Variants in OBP2A observed in about 807,000 individuals in gnomAD.
The protein encoded by OBP2A is odorant binding protein 2A, also known as odorant-binding protein 2a.
In OBP2A, 15 loss-of-function variants were observed where a neutral mutation model predicts 21.9. The observed-to-expected ratio is 0.69, with a 90% confidence interval of 0.46 to 1.06. OBP2A has a LOEUF of 1.06. OBP2A is among the 50% of genes least tolerant of loss of function. OBP2A has a pLI of 0.00. For synonymous variants in OBP2A, 86 were observed against 91.8 expected (o/e 0.94, Z 0.36); for missense variants, 192 against 220.1 (o/e 0.87, Z 0.81).
Position 135,547,236 on chromosome 9 carries a change from A to AAATT in OBP2A, c.266_269dup (p.Phe90LeufsTer43). Reference sequence around the variant, plus strand: ...GATGCGGAAGACGGAGGAGCCTGGCAAATTCAGCGCCTGTGAGCCCCTCCC... The same window carrying AAATT: ...GATGCGGAAGACGGAGGAGCCTGGCAAATTAATTCAGCGCCTGTGAGCCCCTCCC... On this transcript the variant is annotated frameshift_variant, in exon 3 of 7. Transcript: ENST00000371776. LOFTEE classifies it high-confidence loss of function. 6.2e-7 allele frequency: 1 copy of AAATT among 1,613,598 alleles called. No individual in the cohort carries two copies. Among genetic ancestry groups the AAATT allele is most frequent in the South Asian group, 1.1e-5 (1 of 91,044 alleles).
In OBP2A at chr9:135,549,531, A is replaced by ACAC. The variant is rs1432918407; in HGVS notation, c.*1+201_*1+202insACC. The ACAC allele has an allele frequency of 9.4e-5, 56 of 596,726 alleles. No homozygotes were observed. In the African/African-American group the frequency reaches 9.5e-4, roughly 10 times the overall value. 37.0% of individuals were successfully genotyped at this position (596,726 alleles called of 1,614,324 possible). ...AAGTCCTTTGTTTTACCATTCCTGC[A>ACAC]CCTGCCAGCCCGAGTGAGGGTCCTC... On this transcript the variant is annotated intron_variant, in intron 6 of 6. Coordinates refer to ENST00000371776, the MANE Select transcript of OBP2A (RefSeq NM_014582.3).
intron 3 of OBP2A, 143 bp downstream of exon 3, chr9:135,547,391 G>T (rs1831969619): frequency 3.1e-6 from 3 of 972,076 alleles, no homozygotes; most frequent in African/African-American, 1.6e-5. Flanking sequence ...CTCCTTCCTG[G>T]GGGGCTGGTG....
Position 135,548,782 on chromosome 9 carries a change from G to T in OBP2A, c.463G>T (p.Glu155Ter), listed in dbSNP as rs372326492. 4.3e-5 allele frequency: 70 copies of T among 1,613,990 alleles called. 1 individual carries two copies. In the Middle Eastern group the frequency reaches 1.2e-3, roughly 27 times the overall value. Reference sequence around the variant, plus strand: ...GGTGCAGCACAAGGGACTCTCGGAGGAGGACATTTTCATGCCCCTGCAGAC... The same window carrying T: ...GGTGCAGCACAAGGGACTCTCGGAGTAGGACATTTTCATGCCCCTGCAGAC... ...KLVQHKGLSE[E>*]DIFMPLQTGS... The change falls in exon 5 of 7, where the codon GAG (glutamate) becomes TAG (stop). Residue 155 changes from glutamate to a stop codon, truncating the protein, a stop_gained. Coordinates refer to ENST00000371776, the MANE Select transcript of OBP2A (RefSeq NM_014582.3). LOFTEE classifies it high-confidence loss of function.
In OBP2A at chr9:135,546,879, C is replaced by T. The variant is rs561640530; in HGVS notation, c.174C>T (p.Gly58=). Residue 58 remains glycine, a synonymous_variant, in exon 2 of 7, where the codon GGC becomes GGT. Transcript: ENST00000371776. ...CCCCAGTGAAGGTGACAGCCCTGGG[C>T]GGTGGGAACTTGGAAGCCACGTTCA... The part of the protein sequence containing the change: ...KVSPVKVTAL[G]GGNLEATFTF... The T allele has an allele frequency of 8.1e-6, 13 of 1,613,758 alleles. No homozygotes were observed. The highest frequency in any genetic ancestry group is 5.5e-5 in the South Asian group (5 of 91,056).
At position 135,547,926 on chromosome 9, in the gene OBP2A, CTT is replaced by C; in HGVS notation, c.336_337del (p.Phe112LeufsTer19). ...AGCTGCCCGGGACGGACGACTACGT[CTT>C]TTACTGCAAAGACCAGCGCCGTGGG... is the stretch of plus-strand genomic sequence containing the variant. ...QELPGTDDYV[F>X]YCKDQRRGGL... On this transcript the variant is annotated frameshift_variant, in exon 4 of 7. Coordinates refer to ENST00000371776, the MANE Select transcript of OBP2A (RefSeq NM_014582.3). LOFTEE classifies it high-confidence loss of function. 1 of 1,613,562 alleles carries C rather than the reference CTT, an allele frequency of 6.2e-7. No individual in the cohort carries two copies. Among genetic ancestry groups the C allele is most frequent in the Non-Finnish European group, 8.5e-7 (1 of 1,179,718 alleles).
At chr9:135,549,438 C>A in intron 6 of OBP2A, 107 bp downstream of exon 6, 1 of 1,129,768 alleles carries the variant, frequency 8.9e-7, no homozygotes, top group Non-Finnish European at 1.3e-6. Context: ...CCAGGGAGAC[C>A]CCCCCAGGGT....
chr9:135,548,401 GT>G (rs1232740679), intron 4 of OBP2A, among the ~76,000 whole-genome samples: 1 of 147,238 alleles, frequency 6.8e-6, no homozygotes, highest in African/African-American at 2.5e-5. Context: ...TCCCCCTGGG[GT>G]TGCTGAGTGG....
In OBP2A at chr9:135,547,884, G is replaced by T. The variant is rs747682712; in HGVS notation, c.291G>T (p.Lys97Asn). 2.9e-5 allele frequency: 46 copies of T among 1,610,596 alleles called. No homozygotes were observed. The African/African-American group carries it at 5.3e-4, about 19-fold the overall frequency. ...TGTCATCTACAGATGGGGGCAGGAAGCTCATATACCTGCAGGAGCTGCCCG... is the reference window on the plus strand; with the variant it reads ...TGTCATCTACAGATGGGGGCAGGAATCTCATATACCTGCAGGAGCTGCCCG... ...PGKFSAYGGRKLIYLQELPGT... is the reference protein window; with the variant it reads ...PGKFSAYGGRNLIYLQELPGT... The change falls in exon 4 of 7, where the codon AAG (lysine) becomes AAT (asparagine). Residue 97 changes from lysine (K) to asparagine (N), a missense_variant. By Grantham distance (94) the Lys-to-Asn change is moderately conservative (BLOSUM62 0). Coordinates refer to ENST00000371776, the MANE Select transcript of OBP2A (RefSeq NM_014582.3).
chr9:135,546,858 A>C lies in OBP2A; in HGVS notation c.153A>C (p.Pro51=). 6.2e-7 allele frequency: 1 copy of C among 1,613,776 alleles called. No individual in the cohort carries two copies. The highest frequency in any genetic ancestry group is 1.3e-5 in the African/African-American group (1 of 75,026). ...PEDRRPRKVS[P]VKVTALGGGN... is the part of the protein sequence containing the mutation. ...ACAGGAGGCCCAGGAAGGTGTCCCCAGTGAAGGTGACAGCCCTGGGCGGTG... is the reference window on the plus strand; with the variant it reads ...ACAGGAGGCCCAGGAAGGTGTCCCCCGTGAAGGTGACAGCCCTGGGCGGTG... Residue 51 remains proline, a synonymous_variant, in exon 2 of 7, where the codon CCA becomes CCC. Coordinates refer to ENST00000371776, the MANE Select transcript of OBP2A (RefSeq NM_014582.3).
Position 135,549,928 on chromosome 9 carries a change from T to C in OBP2A, c.*93T>C. The C allele has an allele frequency of 1.9e-6, 3 of 1,540,308 alleles. No individual in the cohort carries two copies. ...CTACCCTCCAGCCATGACCCTTCCC[T>C]GCTCCCACCCACCTGACTCCAAATA... On this transcript the variant is annotated 3_prime_UTR_variant, in exon 7 of 7. Coordinates refer to ENST00000371776, the MANE Select transcript of OBP2A (RefSeq NM_014582.3).
intron 4 of OBP2A, 80 bp downstream of exon 4, chr9:135,548,061 C>A: frequency 1.0e-6 from 1 of 1,004,730 alleles, no homozygotes; most frequent in Non-Finnish European, 1.5e-6. Flanking sequence ...ATCATCACGC[C>A]CTGGCACGGG....
chr9:135,548,004 C>T (rs1197420451), intron 4 of OBP2A, 23 bp downstream of exon 4: 14 of 1,509,774 alleles, frequency 9.3e-6, no homozygotes, highest in Non-Finnish European at 1.3e-5. Context: ...CTGGGGCCTG[C>T]ATGTCCTGCC....
In OBP2A at chr9:135,547,400, T is replaced by C. The variant is rs577686627; in HGVS notation, c.277+152T>C. 6.3e-4 allele frequency: 586 copies of C among 933,324 alleles called. 3 individuals carry two copies. The African/African-American group carries it at 7.8e-3, about 12-fold the overall frequency. 57.8% of individuals were successfully genotyped at this position (933,324 alleles called of 1,614,324 possible). Reference sequence around the variant, plus strand: ...TGGCCTCTCCTTCCTGGGGGGCTGGTGGCCCTGACATCAGACACCAGGTGT... The same window carrying C: ...TGGCCTCTCCTTCCTGGGGGGCTGGCGGCCCTGACATCAGACACCAGGTGT... On this transcript the variant is annotated intron_variant, in intron 3 of 6. Coordinates refer to ENST00000371776, the MANE Select transcript of OBP2A (RefSeq NM_014582.3).
At chr9:135,547,692 G>A (rs371444841) in intron 3 of OBP2A, among the ~76,000 whole-genome samples, 179 bp from the exon 4 acceptor site, 32 of 152,318 alleles carry the variant, frequency 2.1e-4, no homozygotes, top group African/African-American at 6.7e-4. Context: ...GGGACCTTCC[G>A]AGAGGAGGCT....
chr9:135,547,496 T>C (rs1831972219), intron 3 of OBP2A, among the ~76,000 whole-genome samples: 1 of 152,124 alleles, frequency 6.6e-6, no homozygotes, highest in Non-Finnish European at 1.5e-5. Context: ...CATTGACACA[T>C]TGAGGAATCC....
chr9:135,547,961 G>A lies in OBP2A; in HGVS notation c.368G>A (p.Arg123His), dbSNP rs1206641570. 46 of 1,610,932 alleles carry A rather than the reference G, an allele frequency of 2.9e-5. No homozygotes were observed. The highest frequency in any genetic ancestry group is 2.0e-4 in the Admixed American group (12 of 59,622). ...YCKDQRRGGL[R>H]YMGKLVGRNP... ...AAAGACCAGCGCCGTGGGGGCCTGC[G>A]CTACATGGGAAAGCTTGTGGGTGAG... The change falls in exon 4 of 7, where the codon CGC becomes CAC. Residue 123 changes from arginine (R) to histidine (H), a missense_variant. Transcript: ENST00000371776.
chr9:135,548,052 TCATCAC>T, intron 4 of OBP2A, 71 bp downstream of exon 4: 1 of 1,140,010 alleles, frequency 8.8e-7, no homozygotes, highest in East Asian at 2.5e-5. Flanking sequence ...GGAACCACCA[TCATCAC>T]GCCCTGGCAC....
At position 135,546,849 on chromosome 9, in the gene OBP2A, G is replaced by C; in HGVS notation, c.144G>C (p.Lys48Asn). 1 of 1,613,720 alleles carries C rather than the reference G, an allele frequency of 6.2e-7. No individual in the cohort carries two copies. The highest frequency in any genetic ancestry group is 8.5e-7 in the Non-Finnish European group (1 of 1,179,730). Residue 48 changes from lysine to asparagine, a missense_variant, in exon 2 of 7, where the codon AAG becomes AAC. Transcript: ENST00000371776. ...TTCCGGAGGACAGGAGGCCCAGGAA[G>C]GTGTCCCCAGTGAAGGTGACAGCCC... ...KDFPEDRRPR[K>N]VSPVKVTALG...
intron 1 of OBP2A, 32 bp from the exon 2 acceptor site, chr9:135,546,746 C>T: frequency 6.4e-7 from 1 of 1,573,882 alleles, no homozygotes; most frequent in South Asian, 1.2e-5. Context: ...CTGGGCCACC[C>T]ATGGTGGGCT....
Sources: allele counts gnomAD v4.1 joint callset (sites outside exome capture counted in the v4.1 genomes callset), GRCh38; gene constraint gnomAD v4.1.1; transcripts MANE v1.5; gene names NCBI Gene and HGNC (gene_info 2026-07-23, HGNC 2026-07-21).